Variants in TMEM254 observed in about 807,000 individuals in gnomAD.
TMEM254 encodes transmembrane protein 254, also known as transmembrane protein C10orf57.
A neutral mutation model predicts 13.9 loss-of-function variants in TMEM254; 16 were observed. That is an observed-to-expected ratio of 1.15 (90% CI 0.78 to 1.75). The LOEUF (loss-of-function observed/expected upper bound fraction) is 1.75, where lower values mean the gene tolerates loss of function less well. Among genes scored for constraint, TMEM254 ranks in the 40% most tolerant of loss-of-function variants. The probability of loss-of-function intolerance (pLI) is 0.00; values close to 1 mark genes in which losing one functional copy is unlikely to be tolerated. For missense variants in TMEM254, 155 were observed against 149.0 expected, an observed-to-expected ratio of 1.04 and a Z score of -0.21; for synonymous variants, 61 against 56.4, an observed-to-expected ratio of 1.08 and a Z score of -0.36.
At chr10:80,079,086 A>T (rs1400791190) in intron 1 of TMEM254, 6 of 1,398,630 alleles carry the variant, frequency 4.3e-6, no homozygotes, top group Non-Finnish European at 5.7e-6. Flanking sequence ...TTTCAAGAGG[A>T]TGGTGAAGTC....
chr10:80,088,193 G>A (rs2132298838), intron 3 of TMEM254, among the ~76,000 whole-genome samples: 1 of 151,720 alleles, frequency 6.6e-6, no homozygotes, highest in East Asian at 1.9e-4. Context: ...ACTCTATTCT[G>A]TTCCATTGGC....
At chr10:80,083,165 GGC>G (rs2132280701) in intron 3 of TMEM254, among the ~76,000 whole-genome samples, 1 of 142,928 alleles carries the variant, frequency 7.0e-6, no homozygotes, top group South Asian at 2.2e-4. Flanking sequence ...GGAGTGCAGT[GGC>G]GCAATCTTGG....
intron 2 of TMEM254, 89 bp downstream of exon 2, chr10:80,082,033 A>C: frequency 6.4e-7 from 1 of 1,559,194 alleles, no homozygotes; most frequent in Non-Finnish European, 8.8e-7. Flanking sequence ...TTTGGTATCT[A>C]AGAGTAGTGT....
chr10:80,084,056 G>C (rs2132284485), intron 3 of TMEM254, among the ~76,000 whole-genome samples: 1 of 152,218 alleles, frequency 6.6e-6, no homozygotes, highest in Admixed American at 6.5e-5. Context: ...CTGCACTCTA[G>C]CCTGGGTGAC....
rs921670060 is a variant in TMEM254 at position 80,091,947 on chromosome 10, A to T, written c.*1030A>T. On this transcript the variant is annotated 3_prime_UTR_variant, in exon 4 of 4. Coordinates refer to ENST00000372281, the MANE Select transcript of TMEM254 (RefSeq NM_025125.4). Reference sequence around the variant, plus strand: ...CCTTTCTATTCTCAATCACTTCTCCAAAAGTGTGTCTTTCCAGCTCTGATT... The same window carrying T: ...CCTTTCTATTCTCAATCACTTCTCCTAAAGTGTGTCTTTCCAGCTCTGATT... The T allele has an allele frequency of 6.6e-6, 1 of 152,146 alleles. No individual in the cohort carries two copies. Among genetic ancestry groups the T allele is most frequent in the Admixed American group, 6.5e-5 (1 of 15,268 alleles). The allele number at this position is 152,146 out of a possible 1,614,324, so 9.4% of individuals were successfully genotyped here.
At chr10:80,079,198 T>TGGGGGG (rs772680590) in intron 1 of TMEM254, 1 of 322,114 alleles carries the variant, frequency 3.1e-6, no homozygotes, top group Non-Finnish European at 5.3e-6. Context: ...AGGCGTGGGG[T>TGGGGGG]GGGGCGGGGC....
At chr10:80,088,700 G>A (rs1158459578) in intron 3 of TMEM254, among the ~76,000 whole-genome samples, 1 of 149,186 alleles carries the variant, frequency 6.7e-6, no homozygotes, top group South Asian at 2.1e-4. Context: ...GGGAGGCCCC[G>A]GAGCTTGCAG....
rs528893284 is a variant in TMEM254, at chr10:80,091,818, C to T, written c.*901C>T. The T allele has an allele frequency of 1.3e-5, 2 of 152,334 alleles. No individual in the cohort carries two copies. Among genetic ancestry groups the T allele is most frequent in the South Asian group, 2.1e-4 (1 of 4,828 alleles). The allele number at this position is 152,334 out of a possible 1,614,324, so 9.4% of individuals were successfully genotyped here. ...CAATTTTTATGTGAAAATGGCACAA[C>T]CCATTTGGGGTACCCTCACCCCAAA... is the stretch of plus-strand genomic sequence containing the variant. On this transcript the variant is annotated 3_prime_UTR_variant, in exon 4 of 4. Transcript: ENST00000372281.
Position 80,081,918 on chromosome 10 carries a change from C to T in TMEM254, c.165C>T (p.Asp55=), listed in dbSNP as rs1187736540. ...GCCCCTTCACTCAGTACTTGGTGGACCACCATCACACCCTCCTGTGCAATG... is the reference window on the plus strand; with the variant it reads ...GCCCCTTCACTCAGTACTTGGTGGATCACCATCACACCCTCCTGTGCAATG... ...PLGPFTQYLV[D]HHHTLLCNGY... Residue 55 remains aspartate, a synonymous_variant, in exon 2 of 4, where the codon GAC becomes GAT. Coordinates refer to ENST00000372281, the MANE Select transcript of TMEM254 (RefSeq NM_025125.4). 1 of 1,614,122 alleles carries T rather than the reference C, an allele frequency of 6.2e-7. No homozygotes were observed. Among genetic ancestry groups the T allele is most frequent in the Middle Eastern group, 1.6e-4 (1 of 6,062 alleles).
At chr10:80,090,643 G>A (rs1302760532) in intron 3 of TMEM254, among the ~76,000 whole-genome samples, 154 bp from the exon 4 acceptor site, 10 of 152,014 alleles carry the variant, frequency 6.6e-5, no homozygotes, top group African/African-American at 2.2e-4. Flanking sequence ...AAAAATAAAT[G>A]AACCATCCAA....
At chr10:80,086,250 C>A in intron 3 of TMEM254, 1 of 1,468,096 alleles carries the variant, frequency 6.8e-7, no homozygotes, top group Non-Finnish European at 9.0e-7. Context: ...GCTAAGAATA[C>A]GGATAAAGGT....
intron 3 of TMEM254, among the ~76,000 whole-genome samples, chr10:80,084,472 C>T (rs1475833778): frequency 1.3e-5 from 2 of 152,204 alleles, no homozygotes; most frequent in Non-Finnish European, 2.9e-5. Context: ...GGATAATCTA[C>T]AAGTGCATGC....
intron 3 of TMEM254, chr10:80,090,309 G>A: frequency 1.4e-6 from 1 of 711,518 alleles, no homozygotes; most frequent in African/African-American, 1.7e-5. Flanking sequence ...TCCTGAGCAT[G>A]TTGTGTGTAT....
rs374149325 is a variant in TMEM254, at chr10:80,088,572, CATT to C, written c.252-2224_252-2222del. 8.1e-3 allele frequency among the ~76,000 whole-genome samples: 1,226 copies of C among 151,160 alleles called. 18 individuals are homozygous for C. The highest frequency in any genetic ancestry group is 0.028 in the African/African-American group (1,151 of 41,254). ...TATATAATTTTTAAGAGGTTTTACACATTGTTGTTACATTAATTTCCAGCAACT... is the reference window on the plus strand; with the variant it reads ...TATATAATTTTTAAGAGGTTTTACACGTTGTTACATTAATTTCCAGCAACT... On this transcript the variant is annotated intron_variant, in intron 3 of 3. Transcript: ENST00000372281.
chr10:80,091,026 T>G lies in TMEM254; in HGVS notation c.*109T>G. ...AGTGATCTTTCTACTTTCTAGAAAC[T>G]GTCCTTCAAAGCTCTTTAAGACCCC... On this transcript the variant is annotated 3_prime_UTR_variant, in exon 4 of 4. Transcript: ENST00000372281. 1 of 1,442,246 alleles carries G rather than the reference T, an allele frequency of 6.9e-7. No homozygotes were observed. Among genetic ancestry groups the G allele is most frequent in the Non-Finnish European group, 9.3e-7 (1 of 1,074,180 alleles). The allele number at this position is 1,442,246 out of a possible 1,614,324, so 89.3% of individuals were successfully genotyped here. A position where few individuals can be genotyped will look rare whatever the true frequency, so the allele number is the denominator to read the frequency against.
At chr10:80,078,996 T>C in intron 1 of TMEM254, 1 of 1,537,836 alleles carries the variant, frequency 6.5e-7, no homozygotes, top group Non-Finnish European at 8.8e-7. Flanking sequence ...CCCAGGGCCC[T>C]GAGAAACCGG....
At chr10:80,079,998 T>A (rs2132265654) in intron 1 of TMEM254, among the ~76,000 whole-genome samples, 1 of 152,354 alleles carries the variant, frequency 6.6e-6, no homozygotes, top group South Asian at 2.1e-4. Context: ...GATTGGAGAT[T>A]TGTCTTGTCC....
chr10:80,086,273 A>C, intron 3 of TMEM254: 7 of 1,471,164 alleles, frequency 4.8e-6, no homozygotes, highest in Non-Finnish European at 6.3e-6. Context: ...GTGAATGAGA[A>C]CAAGTTATGA....
intron 3 of TMEM254, among the ~76,000 whole-genome samples, chr10:80,088,373 A>G (rs932487717): frequency 6.6e-6 from 1 of 152,112 alleles, no homozygotes; most frequent in African/African-American, 2.4e-5. Flanking sequence ...AAAGATGTTG[A>G]GATTTTCATT....
Sources: gnomAD v4.1 joint callset for allele counts (sites outside exome capture counted in the v4.1 genomes callset) on GRCh38, gnomAD v4.1.1 for gene constraint, MANE v1.5 for transcripts, NCBI Gene and HGNC (gene_info 2026-07-23, HGNC 2026-07-21) for gene names.